The following MYLK4 variants were observed in gnomAD, a reference collection of about 807,000 sequenced individuals.
MYLK4 encodes myosin light chain kinase family member 4.
MYLK4 carries 46 observed loss-of-function variants against 48.1 expected under a neutral mutation model. The observed-to-expected ratio is 0.96, with a 90% CI of 0.75 to 1.22. The LOEUF (loss-of-function observed/expected upper bound fraction) is 1.22, where lower values mean the gene tolerates loss of function less well. Among genes scored for constraint, MYLK4 ranks in the 50% most tolerant of loss-of-function variants. The pLI, the probability that MYLK4 is intolerant of heterozygous loss-of-function variation, is 0.00. For synonymous variants in MYLK4, 170 were observed against 180.8 expected, an observed-to-expected ratio of 0.94 and a Z score of 0.48; for missense variants, 451 against 486.1, an observed-to-expected ratio of 0.93 and a Z score of 0.68.
At chr6:2,708,885 C>T (rs949090117) in intron 2 of MYLK4, among the ~76,000 whole-genome samples, 2 of 152,128 alleles carry the variant, frequency 1.3e-5, no homozygotes, top group African/African-American at 4.8e-5. Flanking sequence ...AAAGTTTAAC[C>T]TCCCTTCTCA....
intron 10 of MYLK4, among the ~76,000 whole-genome samples, chr6:2,675,775 C>T (rs1442749680): frequency 6.6e-6 from 1 of 152,264 alleles, no homozygotes; most frequent in South Asian, 2.1e-4. Flanking sequence ...ACATTTATCA[C>T]ATTAAAACAA....
chr6:2,676,676 C>T (rs1339073461), intron 10 of MYLK4, among the ~76,000 whole-genome samples: 1 of 152,176 alleles, frequency 6.6e-6, no homozygotes, highest in Non-Finnish European at 1.5e-5. Context: ...GCATCTGATG[C>T]TCCTTGGGCA....
intron 6 of MYLK4, among the ~76,000 whole-genome samples, chr6:2,684,844 T>C (rs1291914053): frequency 6.6e-6 from 1 of 152,134 alleles, no homozygotes; most frequent in Non-Finnish European, 1.5e-5. Context: ...CCCTCTCCGA[T>C]ACCAAGTAAT....
chr6:2,767,536 G>T, the MYLK4 span, among the ~76,000 whole-genome samples: 3 of 152,190 alleles, frequency 2.0e-5, no homozygotes, highest in Admixed American at 6.5e-5. Flanking sequence ...CTTCCCTTTG[G>T]CCAGGAATAA....
At chr6:2,691,876 T>C (rs1429503735) in intron 3 of MYLK4, among the ~76,000 whole-genome samples, 1 of 152,198 alleles carries the variant, frequency 6.6e-6, no homozygotes, top group Non-Finnish European at 1.5e-5. Context: ...TTATAAATCA[T>C]TGCTTCAAAC....
chr6:2,669,774 T>C (rs1047796905), intron 12 of MYLK4, among the ~76,000 whole-genome samples: 8 of 152,176 alleles, frequency 5.3e-5, no homozygotes, highest in African/African-American at 1.9e-4. Context: ...CCTACCTTAT[T>C]GAGACTTTCA....
intron 2 of MYLK4, among the ~76,000 whole-genome samples, chr6:2,710,610 C>A (rs1336109815): frequency 6.6e-6 from 1 of 152,188 alleles, no homozygotes; most frequent in African/African-American, 2.4e-5. Context: ...ATAAAAACCC[C>A]TAATTTCAGC....
chr6:2,676,655 G>A (rs112911408), intron 10 of MYLK4, among the ~76,000 whole-genome samples: 19 of 152,202 alleles, frequency 1.2e-4, no homozygotes, highest in African/African-American at 4.1e-4. Context: ...AGTTGCCATC[G>A]GCCCAAATGG....
intron 6 of MYLK4, among the ~76,000 whole-genome samples, chr6:2,684,366 T>C (rs1761446309): frequency 6.6e-6 from 1 of 152,200 alleles, no homozygotes; most frequent in Non-Finnish European, 1.5e-5. Flanking sequence ...ATTGTTTACT[T>C]CTGGAATTTT....
At chr6:2,739,869 C>T (rs1763829729) in intron 2 of MYLK4, among the ~76,000 whole-genome samples, 1 of 152,126 alleles carries the variant, frequency 6.6e-6, no homozygotes, top group Admixed American at 6.5e-5. Flanking sequence ...CTTTATTTGG[C>T]CCTAAGAGCA....
chr6:2,768,892 C>A, the MYLK4 span: 2 of 1,599,310 alleles, frequency 1.3e-6, no homozygotes, highest in Middle Eastern at 2.1e-4. Context: ...GGTATATTAA[C>A]TTCCTTCTAC....
upstream of MYLK4, among the ~76,000 whole-genome samples, chr6:2,755,411 G>A (rs1764405686): frequency 6.6e-6 from 1 of 152,096 alleles, no homozygotes; most frequent in Non-Finnish European, 1.5e-5. Context: ...ATATGAATTG[G>A]TGTATGTTTC....
intron 7 of MYLK4, among the ~76,000 whole-genome samples, chr6:2,682,705 G>A (rs1008961933): frequency 9.2e-5 from 14 of 152,204 alleles, no homozygotes; most frequent in Admixed American, 7.9e-4. Context: ...TTGTCCTGAT[G>A]AGAGGGCTAC....
chr6:2,686,095 A>AAAGG (rs1479448949), intron 4 of MYLK4, among the ~76,000 whole-genome samples: 1 of 119,704 alleles, frequency 8.4e-6, no homozygotes, highest in Non-Finnish European at 1.9e-5. Flanking sequence ...AGAAAGAAAG[A>AAAGG]AAGAAAAAAA....
chr6:2,747,728 A>G (rs1433212608), intron 2 of MYLK4, among the ~76,000 whole-genome samples: 2 of 152,220 alleles, frequency 1.3e-5, no homozygotes, highest in Admixed American at 6.5e-5. Context: ...TACTTGAAAG[A>G]TAATGAAATT....
At chr6:2,677,297 C>T (rs930875764) in intron 10 of MYLK4, among the ~76,000 whole-genome samples, 2 of 152,182 alleles carry the variant, frequency 1.3e-5, no homozygotes, top group African/African-American at 4.8e-5. Flanking sequence ...ATGAAAGCAT[C>T]TCCTGCCAAG....
chr6:2,691,644 T>C (rs999614937), intron 3 of MYLK4, among the ~76,000 whole-genome samples: 4 of 152,244 alleles, frequency 2.6e-5, no homozygotes, highest in African/African-American at 7.2e-5. Flanking sequence ...ATTTAATTCT[T>C]GTCCTTAGGA....
chr6:2,694,983 A>C (rs2113188560), intron 2 of MYLK4, among the ~76,000 whole-genome samples: 1 of 152,334 alleles, frequency 6.6e-6, no homozygotes, highest in South Asian at 2.1e-4. Context: ...TTGGCACCAC[A>C]GGAGATAAGA....
chr6:2,700,972 C>T (rs895997455), intron 2 of MYLK4, among the ~76,000 whole-genome samples: 2 of 152,180 alleles, frequency 1.3e-5, no homozygotes, highest in Non-Finnish European at 2.9e-5. Flanking sequence ...ACCAGAATAG[C>T]ACCTGAGCAC....
Sources: gnomAD v4.1 joint callset for allele counts (sites outside exome capture counted in the v4.1 genomes callset) on GRCh38, gnomAD v4.1.1 for gene constraint, MANE v1.5 for transcripts, NCBI Gene and HGNC (gene_info 2026-07-23, HGNC 2026-07-21) for gene names.